LCAT: variants seen among roughly 807,000 people sequenced by gnomAD.
LCAT encodes the protein phosphatidylcholine-sterol acyltransferase.
A neutral mutation model predicts 41.0 loss-of-function variants in LCAT; 15 were observed. The ratio of observed to expected loss-of-function variants is 0.37; its 90% confidence interval spans 0.24 to 0.56. LCAT has a LOEUF of 0.56. Among genes scored for constraint, LCAT ranks in the 20% least tolerant of loss-of-function variants. The probability of loss-of-function intolerance (pLI) is 0.81; values close to 1 mark genes in which losing one functional copy is unlikely to be tolerated. For missense variants in LCAT, 449 were observed against 595.1 expected, an observed-to-expected ratio of 0.75 and a Z score of 2.55; for synonymous variants, 248 against 245.4, an observed-to-expected ratio of 1.01 and a Z score of -0.10.
intron 5 of LCAT, chr16:67,940,808 A>T: frequency 3.8e-6 from 1 of 262,080 alleles, no homozygotes; most frequent in Non-Finnish European, 7.3e-6. Flanking sequence ...TGACCAGACT[A>T]GGCAATGCAG....
At position 67,939,776 on chromosome 16, in the gene LCAT, C is replaced by A; in HGVS notation, c.*128G>T. ...GCTCAGTCCCAGGCCTCAGCAGAGC[C>A]CATCTTGCCTCACTGCACACAGCAC... On this transcript the variant is annotated 3_prime_UTR_variant, in exon 6 of 6. Transcript: ENST00000264005. 6.7e-7 allele frequency: 1 copy of A among 1,482,744 alleles called. No individual in the cohort carries two copies. The highest frequency in any genetic ancestry group is 9.1e-7 in the Non-Finnish European group (1 of 1,103,692). The allele number at this position is 1,482,744 out of a possible 1,614,324, so 91.8% of individuals were successfully genotyped here.
Position 67,942,680 on chromosome 16 carries a change from G to A in LCAT, c.514C>T (p.Leu172=). The change falls in exon 4 of 6, where the codon CTG becomes TTG. Residue 172 remains leucine (L), a synonymous_variant. Transcript: ENST00000264005. The surrounding 1 kb of genome is among the most constrained non-coding windows in gnomAD (Gnocchi z 6.6). ...TVRAAPYDWR[L]EPGQQEEYYR... The stretch of plus-strand genomic sequence containing the variant: ...CCGCAGAGACACTCACCGGGCTCCA[G>A]CCGCCAGTCATAGGGGGCGGCGCGC... 6.2e-7 allele frequency: 1 copy of A among 1,612,842 alleles called. No individual in the cohort carries two copies. The highest frequency in any genetic ancestry group is 8.5e-7 in the Non-Finnish European group (1 of 1,179,944).
In LCAT at chr16:67,943,793, A is replaced by C. The variant is rs11860115; in HGVS notation, c.154+155T>G. 9,137 of 697,360 alleles carry C rather than the reference A, an allele frequency of 0.013. 434 individuals are homozygous for C. Among genetic ancestry groups the C allele is most frequent in the African/African-American group, 0.13 (6,979 of 55,602 alleles). 43.2% of individuals were successfully genotyped at this position (697,360 alleles called of 1,614,324 possible). The stretch of plus-strand genomic sequence containing the variant: ...TGGGAGAAGGGACGTCATTCCTCTA[A>C]GGGACAAGCTTTTGGCCCCTCCCCA... On this transcript the variant is annotated intron_variant, in intron 1 of 5. Transcript: ENST00000264005. This position sits in a 1 kb window ranked among gnomAD's most constrained non-coding sequence, Gnocchi z 4.6.
At position 67,943,559 on chromosome 16, in the gene LCAT, GGC is replaced by G. The variant is rs1224712754; in HGVS notation, c.155-349_155-348del. ...TGGGGGCTGGGCCTAATAGGGGCCGGGCATGGATGGGCCTCTCCTGCTCACCG... is the reference window on the plus strand; with the variant it reads ...TGGGGGCTGGGCCTAATAGGGGCCGGATGGATGGGCCTCTCCTGCTCACCG... On this transcript the variant is annotated intron_variant, in intron 1 of 5. Transcript: ENST00000264005. The surrounding 1 kb of genome is among the most constrained non-coding windows in gnomAD (Gnocchi z 4.6). 3.2e-5 allele frequency: 16 copies of G among 505,332 alleles called. No individual in the cohort carries two copies. In the Admixed American group the frequency reaches 5.2e-4, roughly 16 times the overall value. 31.3% of individuals were successfully genotyped at this position (505,332 alleles called of 1,614,324 possible). A position where few individuals can be genotyped will look rare whatever the true frequency, so the allele number is the denominator to read the frequency against.
In LCAT at chr16:67,943,178, C is replaced by T. The variant is rs769580071; in HGVS notation, c.189G>A (p.Lys63=). The T allele has an allele frequency of 1.2e-6, 2 of 1,613,634 alleles. No individual in the cohort carries two copies. Among genetic ancestry groups the T allele is most frequent in the Non-Finnish European group, 1.7e-6 (2 of 1,179,962 alleles). The change falls in exon 2 of 6, where the codon AAG becomes AAA. Residue 63 remains lysine (K), a synonymous_variant. Transcript: ENST00000264005. This position sits in a 1 kb window ranked among gnomAD's most constrained non-coding sequence, Gnocchi z 4.6. ...PGCLGNQLEA[K]LDKPDVVNWM... is the part of the protein sequence containing the mutation. ...AGTTCACCACATCTGGTTTGTCCAGCTTGGCTTCTAGCTGATTCCCCAGGC... is the reference window on the plus strand; with the variant it reads ...AGTTCACCACATCTGGTTTGTCCAGTTTGGCTTCTAGCTGATTCCCCAGGC...
chr16:67,943,224 A>T lies in LCAT; in HGVS notation c.155-12T>A. 1.2e-6 allele frequency: 2 copies of T among 1,612,292 alleles called. No homozygotes were observed. Among genetic ancestry groups the T allele is most frequent in the Non-Finnish European group, 1.7e-6 (2 of 1,179,918 alleles). On this transcript the variant is annotated splice_polypyrimidine_tract_variant and intron_variant, in intron 1 of 5. Coordinates refer to ENST00000264005, the MANE Select transcript of LCAT (RefSeq NM_000229.2). This position sits in a 1 kb window ranked among gnomAD's most constrained non-coding sequence, Gnocchi z 4.6. ...CAGGCAGCCGGGCACTGTGAGCAGC[A>T]GCCCTCACTCTGGACTCTGGATTCC...
In LCAT at chr16:67,942,621, G is replaced by A. The variant is rs1378356884; in HGVS notation, c.524-34C>T. ...GGTGGAAGGGGTCAGGGCAGCTGGG[G>A]TCTGGGGCACCTGCCCCACCCCAAG... On this transcript the variant is annotated intron_variant, in intron 4 of 5. Coordinates refer to ENST00000264005, the MANE Select transcript of LCAT (RefSeq NM_000229.2). This position sits in a 1 kb window ranked among gnomAD's most constrained non-coding sequence, Gnocchi z 6.6. The A allele has an allele frequency of 6.2e-6, 10 of 1,612,678 alleles. No homozygotes were observed. In the Admixed American group the frequency reaches 6.7e-5, roughly 11 times the overall value.
rs777505967 is a variant in LCAT, at chr16:67,943,006, A to G, written c.312-30T>C. On this transcript the variant is annotated intron_variant, in intron 2 of 5. Coordinates refer to ENST00000264005, the MANE Select transcript of LCAT (RefSeq NM_000229.2). This position sits in a 1 kb window ranked among gnomAD's most constrained non-coding sequence, Gnocchi z 4.6. Reference sequence around the variant, plus strand: ...GGGGCGGGGGTGCCACTCAGCAGCCAGTAGCCAAGGGGCAGCGTGTTGGGG... The same window carrying G: ...GGGGCGGGGGTGCCACTCAGCAGCCGGTAGCCAAGGGGCAGCGTGTTGGGG... 6.8e-6 allele frequency: 11 copies of G among 1,613,814 alleles called. No homozygotes were observed. Among genetic ancestry groups the G allele is most frequent in the Admixed American group, 1.7e-5 (1 of 60,022 alleles).
chr16:67,940,066 C>A lies in LCAT; in HGVS notation c.1161G>T (p.Gln387His). The A allele has an allele frequency of 6.2e-7, 1 of 1,612,696 alleles. No individual in the cohort carries two copies. Among genetic ancestry groups the A allele is most frequent in the South Asian group, 1.1e-5 (1 of 91,084 alleles). ...TELCGLWQGR[Q>H]PQPVHLLPLH... is the part of the protein sequence containing the mutation. Reference sequence around the variant, plus strand: ...GGGGCAGCAGGTGCACAGGCTGTGGCTGGCGGCCCTGCCACAGGCCACAGA... The same window carrying A: ...GGGGCAGCAGGTGCACAGGCTGTGGATGGCGGCCCTGCCACAGGCCACAGA... The change falls in exon 6 of 6, where the codon CAG becomes CAT. Residue 387 changes from glutamine (Q) to histidine (H), a missense_variant. By Grantham distance (24) the Gln-to-His change is conservative. Coordinates refer to ENST00000264005, the MANE Select transcript of LCAT (RefSeq NM_000229.2).
intron 5 of LCAT, chr16:67,940,807 T>C (rs908342252): frequency 1.5e-5 from 4 of 261,454 alleles, no homozygotes; most frequent in Non-Finnish European, 2.8e-5. Context: ...GTGACCAGAC[T>C]AGGCAATGCA....
Position 67,943,380 on chromosome 16 carries a change from C to G in LCAT, c.155-168G>C, listed in dbSNP as rs1043410675. 3.0e-6 allele frequency: 2 copies of G among 677,760 alleles called. No homozygotes were observed. The highest frequency in any genetic ancestry group is 3.5e-5 in the African/African-American group (2 of 56,902). 42.0% of individuals were successfully genotyped at this position (677,760 alleles called of 1,614,324 possible). A position where few individuals can be genotyped will look rare whatever the true frequency, so the allele number is the denominator to read the frequency against. ...GCTTACACCCCCTCTCCCTGCTGTC[C>G]CCCCAGTAGCCAAAGCCCAGGCTTC... On this transcript the variant is annotated intron_variant, in intron 1 of 5. Coordinates refer to ENST00000264005, the MANE Select transcript of LCAT (RefSeq NM_000229.2). This position sits in a 1 kb window ranked among gnomAD's most constrained non-coding sequence, Gnocchi z 4.6.
chr16:67,942,070 G>T lies in LCAT; in HGVS notation c.748+293C>A. 2.3e-6 allele frequency: 3 copies of T among 1,315,528 alleles called. No homozygotes were observed. The highest frequency in any genetic ancestry group is 2.9e-6 in the Non-Finnish European group (3 of 1,023,400). The allele number at this position is 1,315,528 out of a possible 1,614,324, so 81.5% of individuals were successfully genotyped here. A position where few individuals can be genotyped will look rare whatever the true frequency, so the allele number is the denominator to read the frequency against. On this transcript the variant is annotated intron_variant, in intron 5 of 5. Transcript: ENST00000264005. This position sits in a 1 kb window ranked among gnomAD's most constrained non-coding sequence, Gnocchi z 6.6. ...GCGAGCAAGTGGAAGGCAGGCAAGG[G>T]CTGGGCAGGCAGGCTCTGGGGCTAC...
chr16:67,941,981 G>T (rs1413273042), intron 5 of LCAT: 1 of 1,198,434 alleles, frequency 8.3e-7, no homozygotes, highest in Admixed American at 3.6e-5. Flanking sequence ...GGCCTCGGGG[G>T]GTCTGGCCCT....
rs1432248069 is a variant in LCAT, at chr16:67,942,556, T to C, written c.555A>G (p.Ala185=). The C allele has an allele frequency of 2.5e-6, 4 of 1,613,494 alleles. No homozygotes were observed. Among genetic ancestry groups the C allele is most frequent in the Middle Eastern group, 1.7e-4 (1 of 6,060 alleles). ...CAGCGTGCATCTCCTCCACCAGCCC[T>C]GCGAGCTTGCGGTAGTACTCCTCCT... ...GQQEEYYRKL[A]GLVEEMHAAY... is the part of the protein sequence containing the mutation. Residue 185 remains alanine (A), a synonymous_variant, in exon 5 of 6, where the codon GCA becomes GCG. Transcript: ENST00000264005. This position sits in a 1 kb window ranked among gnomAD's most constrained non-coding sequence, Gnocchi z 6.6.
Position 67,942,320 on chromosome 16 carries a change from G to T in LCAT, c.748+43C>A. 1 of 1,586,444 alleles carries T rather than the reference G, an allele frequency of 6.3e-7. No individual in the cohort carries two copies. Among genetic ancestry groups the T allele is most frequent in the Non-Finnish European group, 8.6e-7 (1 of 1,156,244 alleles). ...ATGAAGGCAGGCCCAGGATCAGCTT[G>T]GTCTCACCCATCGCTGGACCTAAGT... On this transcript the variant is annotated intron_variant, in intron 5 of 5. Coordinates refer to ENST00000264005, the MANE Select transcript of LCAT (RefSeq NM_000229.2). This position sits in a 1 kb window ranked among gnomAD's most constrained non-coding sequence, Gnocchi z 6.6.
rs1248151956 is a variant in LCAT, at chr16:67,942,374, A to G, written c.737T>C (p.Val246Ala). The G allele has an allele frequency of 6.2e-7, 1 of 1,613,826 alleles. No individual in the cohort carries two copies. Residue 246 changes from valine to alanine, a missense_variant, in exon 5 of 6, where the codon GTC becomes GCC. Transcript: ENST00000264005. The surrounding 1 kb of genome is among the most constrained non-coding windows in gnomAD (Gnocchi z 6.6). Reference protein sequence around the residue: ...PWGGSIKPMLVLASGDNQGIP... With the variant: ...PWGGSIKPMLALASGDNQGIP... ...CGAGGCCTTCTCACCTGAGGCCAAG[A>G]CCAGCATGGGCTTGATGGAGCCACC...
intron 5 of LCAT, 114 bp from the exon 6 acceptor site, chr16:67,940,592 A>G (rs1368852684): frequency 6.6e-7 from 1 of 1,507,876 alleles, no homozygotes; most frequent in East Asian, 2.4e-5. Flanking sequence ...CAATCTAGAC[A>G]CAGACTCTAA....
chr16:67,942,155 C>A lies in LCAT; in HGVS notation c.748+208G>T. The A allele has an allele frequency of 8.7e-6, 12 of 1,372,228 alleles. No homozygotes were observed. The highest frequency in any genetic ancestry group is 1.2e-5 in the Non-Finnish European group (12 of 1,023,672). 85.0% of individuals were successfully genotyped at this position (1,372,228 alleles called of 1,614,324 possible). On this transcript the variant is annotated intron_variant, in intron 5 of 5. Coordinates refer to ENST00000264005, the MANE Select transcript of LCAT (RefSeq NM_000229.2). This position sits in a 1 kb window ranked among gnomAD's most constrained non-coding sequence, Gnocchi z 6.6. ...ACTTTCTGTGTTCACTGCCCCTTTG[C>A]CATCACTGACACAGACTCTGGAAGG...
chr16:67,942,514 G>A lies in LCAT; in HGVS notation c.597C>T (p.Val199=), dbSNP rs5922. Residue 199 remains valine, a synonymous_variant, in exon 5 of 6, where the codon GTC becomes GTT. Coordinates refer to ENST00000264005, the MANE Select transcript of LCAT (RefSeq NM_000229.2). The surrounding 1 kb of genome is among the most constrained non-coding windows in gnomAD (Gnocchi z 6.6). ...AGCCGAGGCTGTGGCCAATGAGGAA[G>A]ACAGGCTTCCCATAGGCAGCGTGCA... The part of the protein sequence containing the change: ...EEMHAAYGKP[V]FLIGHSLGCL... 5.9e-5 allele frequency: 96 copies of A among 1,613,750 alleles called. 1 individual carries two copies. In the African/African-American group the frequency reaches 1.1e-3, roughly 18 times the overall value.
Sources: gnomAD v4.1 joint callset for allele counts on GRCh38, gnomAD v4.1.1 for gene constraint, Gnocchi (gnomAD v3.1) non-coding constraint, MANE v1.5 for transcripts, NCBI Gene and HGNC (gene_info 2026-07-23, HGNC 2026-07-21) for gene names.